The following VPS13D variants were observed in gnomAD, a reference collection of about 807,000 sequenced individuals.
VPS13D encodes intermembrane lipid transfer protein VPS13D.
In VPS13D, 187 loss-of-function variants were observed where a neutral mutation model predicts 461.9. The observed-to-expected ratio is 0.40, with a 90% CI of 0.36 to 0.46. The LOEUF (loss-of-function observed/expected upper bound fraction) is 0.46. VPS13D is among the 20% of genes least tolerant of loss of function. VPS13D has a pLI of 0.60. For missense variants in VPS13D, 4,711 were observed against 5,364.9 expected (o/e 0.88, Z 3.81); for synonymous variants, 1,951 against 1,986.3 (o/e 0.98, Z 0.47).
chr1:12,490,942 G>A (rs1310909150), intron 67 of VPS13D, among the ~76,000 whole-genome samples: 7 of 152,184 alleles, frequency 4.6e-5, no homozygotes, highest in South Asian at 2.1e-4. Flanking sequence ...TCACCAATTC[G>A]TCTACTCTAC....
At chr1:12,457,498 T>G (rs886217089) in intron 66 of VPS13D, among the ~76,000 whole-genome samples, 15 of 152,200 alleles carry the variant, frequency 9.9e-5, no homozygotes, top group Non-Finnish European at 4.4e-5. Context: ...TCTCCTTGTG[T>G]ACCTCACATG....
At chr1:12,400,355 G>T (rs1182528569) in intron 61 of VPS13D, 25 bp downstream of exon 61, 2 of 1,612,440 alleles carry the variant, frequency 1.2e-6, no homozygotes, top group Non-Finnish European at 1.7e-6. Context: ...GAGGCTGGTG[G>T]GTTGATGCCA....
At chr1:12,442,413 C>A (rs934825623) in intron 65 of VPS13D, among the ~76,000 whole-genome samples, 1 of 151,982 alleles carries the variant, frequency 6.6e-6, no homozygotes, top group Non-Finnish European at 1.5e-5. Context: ...TGGCTGTAAA[C>A]GAAGGTGAAA....
chr1:12,230,607 A>G (rs1401523609), intron 1 of VPS13D, among the ~76,000 whole-genome samples: 1 of 152,054 alleles, frequency 6.6e-6, no homozygotes, highest in East Asian at 1.9e-4. Flanking sequence ...TCAGTTCTCT[A>G]GAATGCCTTA....
chr1:12,393,541 C>T (rs968109846), intron 60 of VPS13D, among the ~76,000 whole-genome samples: 3 of 152,198 alleles, frequency 2.0e-5, no homozygotes, highest in Non-Finnish European at 2.9e-5. Flanking sequence ...GTTAAGCTTA[C>T]GATAATCCAC....
At chr1:12,480,252 C>T (rs1645695964) in intron 67 of VPS13D, among the ~76,000 whole-genome samples, 1 of 152,224 alleles carries the variant, frequency 6.6e-6, no homozygotes, top group African/African-American at 2.4e-5. Flanking sequence ...CCATCTTCAC[C>T]AGGCGGTAAC....
intron 65 of VPS13D, among the ~76,000 whole-genome samples, chr1:12,426,857 T>TA (rs1351933786): frequency 2.6e-5 from 4 of 151,672 alleles, no homozygotes; most frequent in Admixed American, 1.3e-4. Flanking sequence ...CTACTAAAAA[T>TA]AAAAAAATTA....
intron 60 of VPS13D, among the ~76,000 whole-genome samples, chr1:12,395,994 G>GATATAT (rs761986156): frequency 7.9e-5 from 3 of 38,194 alleles, no homozygotes; most frequent in Admixed American, 3.5e-4. Flanking sequence ...GAACTAATAG[G>GATATAT]AGATATATAT....
chr1:12,391,754 CTA>C (rs1644429738), intron 60 of VPS13D, among the ~76,000 whole-genome samples: 3 of 152,248 alleles, frequency 2.0e-5, no homozygotes, highest in African/African-American at 7.2e-5. Flanking sequence ...AACTGTAAAT[CTA>C]TGTGATCAAA....
At chr1:12,331,879 G>A (rs1331412305) in intron 37 of VPS13D, among the ~76,000 whole-genome samples, 1 of 152,198 alleles carries the variant, frequency 6.6e-6, no homozygotes, top group Non-Finnish European at 1.5e-5. Flanking sequence ...GTCAAATGGT[G>A]TAAGGAGTCT....
rs559568160 is a variant in VPS13D at position 12,258,400 on chromosome 1, C to T, written c.1110+297C>T. 9.8e-5 allele frequency among the ~76,000 whole-genome samples: 15 copies of T among 152,298 alleles called. No individual in the cohort carries two copies. The East Asian group carries it at 2.7e-3, about 27-fold the overall frequency. The stretch of plus-strand genomic sequence containing the variant: ...CAAGAGACTGTTTCATACAGTCACC[C>T]GCCTCTCTTCAAAGCCTGATCCCAG... On this transcript the variant is annotated intron_variant, in intron 10 of 69. Transcript: ENST00000620676.
chr1:12,456,924 C>G (rs1445801385), intron 66 of VPS13D, among the ~76,000 whole-genome samples: 1 of 152,218 alleles, frequency 6.6e-6, no homozygotes, highest in Non-Finnish European at 1.5e-5. Flanking sequence ...CCTTACTGAT[C>G]ATTCCTTCCA....
chr1:12,281,830 A>G (rs1193106556), intron 20 of VPS13D, among the ~76,000 whole-genome samples: 4 of 151,972 alleles, frequency 2.6e-5, no homozygotes, highest in Non-Finnish European at 4.4e-5. Flanking sequence ...TTCTGTATCT[A>G]TTGGTTGGAA....
At chr1:12,291,660 T>C (rs906686969) in intron 23 of VPS13D, among the ~76,000 whole-genome samples, 11 of 152,176 alleles carry the variant, frequency 7.2e-5, no homozygotes, top group African/African-American at 2.4e-4. Flanking sequence ...TAGGGTATGA[T>C]TGAATATTTC....
At chr1:12,481,454 T>A (rs1339063424) in intron 67 of VPS13D, among the ~76,000 whole-genome samples, 1 of 152,198 alleles carries the variant, frequency 6.6e-6, no homozygotes, top group African/African-American at 2.4e-5. Context: ...AGGCAAGACC[T>A]ACAGTCCAGG....
At chr1:12,249,511 G>A in intron 6 of VPS13D, 172 bp downstream of exon 6, 3 of 487,804 alleles carry the variant, frequency 6.2e-6, no homozygotes. Flanking sequence ...TGCTGAAATA[G>A]GGAAACAGGT....
At chr1:12,363,683 A>C (rs1643984984) in intron 52 of VPS13D, among the ~76,000 whole-genome samples, 1 of 152,152 alleles carries the variant, frequency 6.6e-6, no homozygotes, top group Non-Finnish European at 1.5e-5. Context: ...GGCCGGGCGC[A>C]GTGGCTCATG....
rs138777992 is a variant in VPS13D at position 12,254,977 on chromosome 1, G to A, written c.669+1151G>A. 4.7e-3 allele frequency among the ~76,000 whole-genome samples: 694 copies of A among 149,124 alleles called. 4 individuals carry two copies. The highest frequency in any genetic ancestry group is 6.4e-3 in the Non-Finnish European group (436 of 67,606). On this transcript the variant is annotated intron_variant, in intron 7 of 69. Transcript: ENST00000620676. ...TTTTTTTTTTTTGAGACGGCATCTC[G>A]CTCGGTTGCCCGGGCTGGAGTGCAG...
chr1:12,288,186 A>T, intron 21 of VPS13D, 37 bp from the exon 22 acceptor site: 1 of 1,541,878 alleles, frequency 6.5e-7, no homozygotes, highest in Non-Finnish European at 9.0e-7. Flanking sequence ...TTTTCTCCCC[A>T]GTAATATTGG....
Sources: gnomAD v4.1 joint callset for allele counts (sites outside exome capture counted in the v4.1 genomes callset) on GRCh38, gnomAD v4.1.1 for gene constraint, MANE v1.5 for transcripts, NCBI Gene and HGNC (gene_info 2026-07-23, HGNC 2026-07-21) for gene names.